BNC2: variants seen among roughly 807,000 people sequenced by gnomAD.
The protein encoded by BNC2 is basonuclin zinc finger protein 2.
BNC2 carries 20 observed loss-of-function variants against 76.3 expected under a neutral mutation model. The observed-to-expected ratio is 0.26, with a 90% CI of 0.18 to 0.38. BNC2 has a LOEUF of 0.38. BNC2 is among the 10% of genes least tolerant of loss of function. The pLI, the probability that BNC2 is intolerant of heterozygous loss-of-function variation, is 1.00. For missense variants in BNC2, 1,382 were observed against 1,399.8 expected (o/e 0.99, Z 0.20); for synonymous variants, 582 against 514.8 (o/e 1.13, Z -1.77).
chr9:16,788,982 C>T (rs1260238681), intron 1 of BNC2, among the ~76,000 whole-genome samples: 4 of 152,164 alleles, frequency 2.6e-5, no homozygotes, highest in Non-Finnish European at 4.4e-5. Context: ...AATTGTAATA[C>T]AATCAAAGTC....
At chr9:16,452,547 T>A (rs2131084561) in intron 5 of BNC2, among the ~76,000 whole-genome samples, 1 of 152,188 alleles carries the variant, frequency 6.6e-6, no homozygotes, top group African/African-American at 2.4e-5. Flanking sequence ...GTAGCTGGGA[T>A]TATAGACGCC....
At chr9:16,419,731 T>A in intron 6 of BNC2, 82 bp from the exon 7 acceptor site, 5 of 923,772 alleles carry the variant, frequency 5.4e-6, no homozygotes, top group Non-Finnish European at 8.5e-6. Flanking sequence ...TAAAATTGAT[T>A]CAGCTTTCAC....
chr9:16,564,256 G>A (rs543327392), intron 4 of BNC2, among the ~76,000 whole-genome samples: 1 of 152,246 alleles, frequency 6.6e-6, no homozygotes, highest in Non-Finnish European at 1.5e-5. Flanking sequence ...GAGAATGTTA[G>A]GGTAGTCCTT....
intron 5 of BNC2, among the ~76,000 whole-genome samples, chr9:16,510,288 C>G (rs1822722461): frequency 6.6e-6 from 1 of 152,192 alleles, no homozygotes; most frequent in Admixed American, 6.5e-5. Flanking sequence ...GGCCTGCATC[C>G]TGGTTTCCTT....
intron 3 of BNC2, among the ~76,000 whole-genome samples, chr9:16,608,457 T>A (rs1480856675): frequency 6.6e-6 from 1 of 152,178 alleles, no homozygotes; most frequent in African/African-American, 2.4e-5. Flanking sequence ...AAAAAGTTTA[T>A]TATGATTATT....
At chr9:16,829,300 G>A (rs1373508953) in intron 1 of BNC2, among the ~76,000 whole-genome samples, 1 of 152,060 alleles carries the variant, frequency 6.6e-6, no homozygotes, top group Non-Finnish European at 1.5e-5. Context: ...CTATCTTCAG[G>A]GTAGGGCTGT....
intron 3 of BNC2, among the ~76,000 whole-genome samples, chr9:16,630,774 T>C (rs1020860250): frequency 7.8e-5 from 8 of 102,008 alleles, no homozygotes; most frequent in Admixed American, 5.6e-4. Flanking sequence ...AGTTTCACTC[T>C]TGTTGCCCAG....
chr9:16,763,618 T>C (rs1825614175), intron 1 of BNC2, among the ~76,000 whole-genome samples: 1 of 152,120 alleles, frequency 6.6e-6, no homozygotes, highest in Admixed American at 6.5e-5. Context: ...AGTGATTTTA[T>C]ATGAAGTTAG....
At chr9:16,830,097 A>G (rs957236303) in intron 1 of BNC2, among the ~76,000 whole-genome samples, 2 of 152,230 alleles carry the variant, frequency 1.3e-5, no homozygotes, top group Non-Finnish European at 2.9e-5. Context: ...AATCTATGTG[A>G]AAAGCTTTTG....
chr9:16,792,964 T>A (rs1817554112), intron 1 of BNC2, among the ~76,000 whole-genome samples: 1 of 152,238 alleles, frequency 6.6e-6, no homozygotes, highest in Non-Finnish European at 1.5e-5. Flanking sequence ...TAAGGATACA[T>A]TTAGAACATT....
intron 3 of BNC2, among the ~76,000 whole-genome samples, chr9:16,701,515 A>AT (rs1288551331): frequency 6.6e-6 from 1 of 152,176 alleles, no homozygotes; most frequent in South Asian, 2.1e-4. Flanking sequence ...AACAATTTTC[A>AT]TTTTTTTATG....
chr9:16,787,397 A>G (rs1166911556), intron 1 of BNC2, among the ~76,000 whole-genome samples: 3 of 152,234 alleles, frequency 2.0e-5, no homozygotes, highest in African/African-American at 4.8e-5. Context: ...CATGATGTGC[A>G]TGAAAGAGTA....
At chr9:16,553,125 G>A (rs1236061754) in intron 4 of BNC2, among the ~76,000 whole-genome samples, 1 of 152,104 alleles carries the variant, frequency 6.6e-6, no homozygotes, top group Non-Finnish European at 1.5e-5. Context: ...CCCGAGTGAC[G>A]ATGGTGTCCC....
chr9:16,777,729 A>C (rs1455208510), intron 1 of BNC2, among the ~76,000 whole-genome samples: 2 of 149,550 alleles, frequency 1.3e-5, no homozygotes, highest in Admixed American at 6.6e-5. Context: ...AACTGTTAGG[A>C]TGTAAAAAGC....
chr9:16,591,137 C>G (rs1046543141), intron 3 of BNC2, among the ~76,000 whole-genome samples: 1 of 152,116 alleles, frequency 6.6e-6, no homozygotes, highest in Admixed American at 6.5e-5. Flanking sequence ...TATAATACTG[C>G]CTTGGGAGAA....
Position 16,870,655 on chromosome 9 carries a change from A to G in BNC2, c.-7T>C, listed in dbSNP as rs370222440. The G allele has an allele frequency of 5.6e-6, 9 of 1,610,874 alleles. No homozygotes were observed. Among genetic ancestry groups the G allele is most frequent in the East Asian group, 2.2e-5 (1 of 44,630 alleles). On this transcript the variant is annotated 5_prime_UTR_variant, in exon 1 of 7. The change abolishes an upstream ATG in the 5' untranslated region. Coordinates refer to ENST00000380672, the MANE Select transcript of BNC2 (RefSeq NM_017637.6). ...GGTGGAAACTTCTTACCATCTCGGC[A>G]TGCTGGTTGTCAAGTGCAGCCCCCG...
intron 3 of BNC2, among the ~76,000 whole-genome samples, chr9:16,616,144 T>C (rs1820689635): frequency 6.6e-6 from 1 of 152,122 alleles, no homozygotes; most frequent in Non-Finnish European, 1.5e-5. Context: ...CTCAGCACTT[T>C]GGGAGGCTGG....
At chr9:16,698,855 C>G (rs939514233) in intron 3 of BNC2, among the ~76,000 whole-genome samples, 16 of 152,214 alleles carry the variant, frequency 1.1e-4, no homozygotes, top group African/African-American at 3.6e-4. Context: ...AGAAAGACGA[C>G]TAAAAATACA....
chr9:16,720,200 C>G (rs10756790), intron 3 of BNC2, among the ~76,000 whole-genome samples: 63,956 of 152,100 alleles, frequency 0.42, 18,102 homozygotes, highest in Non-Finnish European at 0.63. Context: ...ACCTCTCTCT[C>G]ATGCCTCTGC....
Sources: allele counts gnomAD v4.1 joint callset (sites outside exome capture counted in the v4.1 genomes callset), GRCh38; gene constraint gnomAD v4.1.1; transcripts MANE v1.5; gene names NCBI Gene and HGNC (gene_info 2026-07-23, HGNC 2026-07-21).